Variants in ZBTB5 observed in about 807,000 individuals in gnomAD.
The protein encoded by ZBTB5 is zinc finger and BTB domain-containing protein 5.
ZBTB5 carries 15 observed loss-of-function variants against 37.9 expected under a neutral mutation model. The ratio of observed to expected loss-of-function variants is 0.40; its 90% confidence interval spans 0.26 to 0.61. The LOEUF (loss-of-function observed/expected upper bound fraction) is 0.61. Ranked by LOEUF, ZBTB5 falls within the 20% of genes least tolerant of loss-of-function variation. ZBTB5 has a pLI of 0.47. For missense variants in ZBTB5, 708 were observed against 856.8 expected (o/e 0.83, Z 2.17); for synonymous variants, 315 against 312.4 (o/e 1.01, Z -0.09).
chr9:37,456,859 A>G (rs1824197230), intron 1 of ZBTB5, among the ~76,000 whole-genome samples: 1 of 152,240 alleles, frequency 6.6e-6, no homozygotes, highest in Non-Finnish European at 1.5e-5. Flanking sequence ...TTTTCTGAGA[A>G]TCACAACTAT....
intron 1 of ZBTB5, among the ~76,000 whole-genome samples, chr9:37,453,511 C>T (rs899159991): frequency 3.3e-5 from 5 of 152,214 alleles, no homozygotes; most frequent in African/African-American, 4.8e-5. Flanking sequence ...GTAACTGTAA[C>T]GGTGTGAAAC....
intron 1 of ZBTB5, among the ~76,000 whole-genome samples, chr9:37,442,760 CAT>C (rs953792407): frequency 6.6e-6 from 1 of 152,186 alleles, no homozygotes; most frequent in Non-Finnish European, 1.5e-5. Context: ...GGCATGCACA[CAT>C]GTGGGCCTAG....
chr9:37,456,381 C>T (rs567636114), intron 1 of ZBTB5, among the ~76,000 whole-genome samples: 1 of 152,358 alleles, frequency 6.6e-6, no homozygotes, highest in Non-Finnish European at 1.5e-5. Context: ...ACAATGATGC[C>T]TGGGTTAACC....
chr9:37,440,337 G>A lies in ZBTB5; in HGVS notation c.*181C>T, dbSNP rs866862017. The A allele has an allele frequency of 3.7e-5, 22 of 595,154 alleles. No individual in the cohort carries two copies. Among genetic ancestry groups the A allele is most frequent in the Admixed American group, 3.5e-4 (11 of 31,836 alleles). 36.9% of individuals were successfully genotyped at this position (595,154 alleles called of 1,614,324 possible). A position where few individuals can be genotyped will look rare whatever the true frequency, so the allele number is the denominator to read the frequency against. ...AGGGATTGCATCCCTTTCCCAAGAC[G>A]TGCACTTCACTCAGAAATGCAGCAG... On this transcript the variant is annotated 3_prime_UTR_variant, in exon 2 of 2. Coordinates refer to ENST00000307750, the MANE Select transcript of ZBTB5 (RefSeq NM_014872.3).
rs374395157 is a variant in ZBTB5 at position 37,442,141 on chromosome 9, G to A, written c.411C>T (p.Ser137=). ...GCATAAAGGAGCGCTGCATGCGGGC[G>A]CTCTGCTCCTGAACGCGCTCACTGG... is the stretch of plus-strand genomic sequence containing the variant. ...SPPSERVQEQ[S]ARMQRSFMLQ... Residue 137 remains serine (S), a synonymous_variant, in exon 2 of 2, where the codon AGC becomes AGT. Coordinates refer to ENST00000307750, the MANE Select transcript of ZBTB5 (RefSeq NM_014872.3). 31 of 1,614,074 alleles carry A rather than the reference G, an allele frequency of 1.9e-5. No homozygotes were observed. The highest frequency in any genetic ancestry group is 2.4e-5 in the Non-Finnish European group (28 of 1,180,050).
intron 1 of ZBTB5, among the ~76,000 whole-genome samples, chr9:37,455,987 TCA>T (rs570706402): frequency 3.0e-4 from 46 of 151,446 alleles, no homozygotes; most frequent in African/African-American, 1.1e-3. Flanking sequence ...TCTCACTCTC[TCA>T]CTCAGGCTGG....
At position 37,441,085 on chromosome 9, in the gene ZBTB5, C is replaced by T. The variant is rs1339559660; in HGVS notation, c.1467G>A (p.Pro489=). 3.1e-6 allele frequency: 5 copies of T among 1,614,112 alleles called. No homozygotes were observed. Among genetic ancestry groups the T allele is most frequent in the Middle Eastern group, 1.6e-4 (1 of 6,062 alleles). The change falls in exon 2 of 2, where the codon CCG becomes CCA. Residue 489 remains proline (P), a synonymous_variant. Coordinates refer to ENST00000307750, the MANE Select transcript of ZBTB5 (RefSeq NM_014872.3). ...CTTGGTAGCCTGAAGTCTGCACACACGGCAGGCCCATCACCTCCTGCATAG... is the reference window on the plus strand; with the variant it reads ...CTTGGTAGCCTGAAGTCTGCACACATGGCAGGCCCATCACCTCCTGCATAG... ...VRPMQEVMGL[P]CVQTSGYQGG... is the part of the protein sequence containing the mutation.
chr9:37,465,322 G>C lies in ZBTB5; in HGVS notation c.-112C>G, dbSNP rs1318044675. 5.3e-5 allele frequency: 8 copies of C among 151,814 alleles called. 1 individual carries two copies. The highest frequency in any genetic ancestry group is 5.2e-4 in the Admixed American group (8 of 15,262). The allele number at this position is 151,814 out of a possible 1,614,324, so 9.4% of individuals were successfully genotyped here. The stretch of plus-strand genomic sequence containing the variant: ...TGGGAACGTCCTGACCAGCGTCTCC[G>C]TTACGGGACTTCCTCCCCCTTCCAC... On this transcript the variant is annotated 5_prime_UTR_variant, in exon 1 of 2. Transcript: ENST00000307750.
intron 1 of ZBTB5, among the ~76,000 whole-genome samples, chr9:37,460,263 C>A (rs549926322): frequency 4.6e-5 from 7 of 151,604 alleles, no homozygotes; most frequent in Admixed American, 3.9e-4. Context: ...CATGGAGAAA[C>A]CCTGTCTCTG....
rs182695652 is a variant in ZBTB5 at position 37,448,842 on chromosome 9, G to A, written c.-4-6287C>T. On this transcript the variant is annotated intron_variant, in intron 1 of 1. Coordinates refer to ENST00000307750, the MANE Select transcript of ZBTB5 (RefSeq NM_014872.3). ...TGGGCAAACACGAGGTCAAGAGAGC[G>A]AGACCATCCTGGCCAACATGGTGAA... Among the ~76,000 whole-genome samples, 247 of 152,120 alleles carry A rather than the reference G, an allele frequency of 1.6e-3. 3 individuals are homozygous for A. The highest frequency in any genetic ancestry group is 0.01 in the Middle Eastern group (3 of 294).
Position 37,465,431 on chromosome 9 carries a change from CGAG to C in ZBTB5, c.-224_-222del, listed in dbSNP as rs1467983403. On this transcript the variant is annotated 5_prime_UTR_variant, in exon 1 of 2. Transcript: ENST00000307750. ...ACTCTGAGAACACGGCGGCGGCGCC[CGAG>C]GATAAGCGGAAGTGACGTAATGCAA... 1.3e-5 allele frequency: 2 copies of C among 151,976 alleles called. No individual in the cohort carries two copies. The highest frequency in any genetic ancestry group is 2.9e-5 in the Non-Finnish European group (2 of 67,992). The allele number at this position is 151,976 out of a possible 1,614,324, so 9.4% of individuals were successfully genotyped here.
rs866659408 is a variant in ZBTB5, at chr9:37,440,156, A to G, written c.*362T>C. 4.1e-4 allele frequency: 111 copies of G among 271,304 alleles called. No individual in the cohort carries two copies. In the Middle Eastern group the frequency reaches 0.014, roughly 33 times the overall value. The allele number at this position is 271,304 out of a possible 1,614,324, so 16.8% of individuals were successfully genotyped here. Reference sequence around the variant, plus strand: ...ACAGGGATATAATACTCCCATCAGAAGGTATAGGAAATTTAAATGCTACAC... The same window carrying G: ...ACAGGGATATAATACTCCCATCAGAGGGTATAGGAAATTTAAATGCTACAC... On this transcript the variant is annotated 3_prime_UTR_variant, in exon 2 of 2. Coordinates refer to ENST00000307750, the MANE Select transcript of ZBTB5 (RefSeq NM_014872.3).
At chr9:37,460,330 G>C (rs1163384998) in intron 1 of ZBTB5, among the ~76,000 whole-genome samples, 1 of 152,088 alleles carries the variant, frequency 6.6e-6, no homozygotes, top group Non-Finnish European at 1.5e-5. Flanking sequence ...CCAGCTACTC[G>C]GGGGCTGAGG....
intron 1 of ZBTB5, among the ~76,000 whole-genome samples, chr9:37,459,908 C>T (rs1824259450): frequency 6.6e-6 from 1 of 151,340 alleles, no homozygotes; most frequent in Admixed American, 6.6e-5. Flanking sequence ...GACGGGGTTT[C>T]ACCTTGTTAG....
chr9:37,440,556 G>A lies in ZBTB5; in HGVS notation c.1996C>T (p.Arg666Cys), dbSNP rs558794834. The A allele has an allele frequency of 1.2e-6, 2 of 1,614,244 alleles. No homozygotes were observed. The highest frequency in any genetic ancestry group is 2.2e-5 in the East Asian group (1 of 44,894). Residue 666 changes from arginine (R) to cysteine (C), a missense_variant, in exon 2 of 2, where the codon CGC (arginine) becomes TGC (cysteine). Physicochemically the swap from Arg to Cys is radical, Grantham distance 180 (BLOSUM62 -3). Transcript: ENST00000307750. ...LYKHSKTTCL[R>C]WQSSNLPSTL... ...CTGGGAAGATTGCTGCTCTGCCAGC[G>A]CAGGCAGGTAGTCTTTGAGTGCTTA...
At position 37,440,901 on chromosome 9, in the gene ZBTB5, A is replaced by T; in HGVS notation, c.1651T>A (p.Ser551Thr). The T allele has an allele frequency of 6.2e-7, 1 of 1,614,172 alleles. No homozygotes were observed. Among genetic ancestry groups the T allele is most frequent in the Non-Finnish European group, 8.5e-7 (1 of 1,180,026 alleles). ...CTGGTAGAGTTTTCTGGGATCTGTG[A>T]GCTCCTGACGGAAGTTACAACTGGC... is the stretch of plus-strand genomic sequence containing the variant. ...KMPVVTSVRSSQIPENSTSSQ... is the reference protein window; with the variant it reads ...KMPVVTSVRSTQIPENSTSSQ... The change falls in exon 2 of 2, where the codon TCA (serine) becomes ACA (threonine). Residue 551 changes from serine (S) to threonine (T), a missense_variant. By Grantham distance (58) the Ser-to-Thr change is moderately conservative. Transcript: ENST00000307750.
In ZBTB5 at chr9:37,440,474, C is replaced by G; in HGVS notation, c.*44G>C. 6.4e-7 allele frequency: 1 copy of G among 1,571,830 alleles called. No homozygotes were observed. The highest frequency in any genetic ancestry group is 8.7e-7 in the Non-Finnish European group (1 of 1,149,860). On this transcript the variant is annotated 3_prime_UTR_variant, in exon 2 of 2. Transcript: ENST00000307750. Reference sequence around the variant, plus strand: ...CATTAACTGCTTACCAAAAGAAATTCAGTCTGACAACTGGCCTCAGCGTTG... The same window carrying G: ...CATTAACTGCTTACCAAAAGAAATTGAGTCTGACAACTGGCCTCAGCGTTG...
rs560051699 is a variant in ZBTB5, at chr9:37,449,570, T to C, written c.-4-7015A>G. ...AAAATTAGTCAGGTGTGGTGGCACA[T>C]GCCTGTAGTCTCAGCTACTCGGGAG... On this transcript the variant is annotated intron_variant, in intron 1 of 1. Coordinates refer to ENST00000307750, the MANE Select transcript of ZBTB5 (RefSeq NM_014872.3). Among the ~76,000 whole-genome samples, 34 of 151,980 alleles carry C rather than the reference T, an allele frequency of 2.2e-4. No individual in the cohort carries two copies. In the South Asian group the frequency reaches 7.1e-3, roughly 32 times the overall value.
At position 37,440,767 on chromosome 9, in the gene ZBTB5, G is replaced by A; in HGVS notation, c.1785C>T (p.Cys595=). The A allele has an allele frequency of 1.2e-6, 2 of 1,614,232 alleles. No homozygotes were observed. Among genetic ancestry groups the A allele is most frequent in the Non-Finnish European group, 1.7e-6 (2 of 1,180,044 alleles). The change falls in exon 2 of 2, where the codon TGC becomes TGT. Residue 595 remains cysteine (C), a synonymous_variant. Transcript: ENST00000307750. ...TRASADVLSK[C]KKALSEHNVL... ...CATTGTGCTCTGATAAGGCCTTCTT[G>A]CACTTTGACAGAACATCTGCAGATG...
Sources: allele counts gnomAD v4.1 joint callset (sites outside exome capture counted in the v4.1 genomes callset), GRCh38; gene constraint gnomAD v4.1.1; transcripts MANE v1.5; gene names NCBI Gene and HGNC (gene_info 2026-07-23, HGNC 2026-07-21).